The following NOP14 variants were observed in gnomAD, a reference collection of about 807,000 sequenced individuals.
NOP14 encodes the protein nucleolar protein 14.
In NOP14, 57 loss-of-function variants were observed where a neutral mutation model predicts 101.6. The observed-to-expected ratio is 0.56, with a 90% CI of 0.45 to 0.70. The LOEUF (loss-of-function observed/expected upper bound fraction) is 0.70, where lower values mean the gene tolerates loss of function less well. Among genes scored for constraint, NOP14 ranks in the 30% least tolerant of loss-of-function variants. The pLI is 0.00. For missense variants in NOP14, 1,134 were observed against 1,075.5 expected (o/e 1.05, Z -0.76); for synonymous variants, 428 against 424.0 (o/e 1.01, Z -0.12).
chr4:2,942,557 A>G (rs907319508), intron 13 of NOP14, among the ~76,000 whole-genome samples: 1 of 152,068 alleles, frequency 6.6e-6, no homozygotes, highest in African/African-American at 2.4e-5. Flanking sequence ...GCGCGGTGAG[A>G]GCCAAGTGCC....
At position 2,954,571 on chromosome 4, in the gene NOP14, C is replaced by A; in HGVS notation, c.473-8G>T. The A allele has an allele frequency of 6.2e-7, 1 of 1,613,158 alleles. No homozygotes were observed. ...GGGCAGCAGTCAGCTCAGCTGGGGG[C>A]AAAAGGCAGAAAACCCCACAGTGAA... On this transcript the variant is annotated splice_polypyrimidine_tract_variant and splice_region_variant and intron_variant, in intron 3 of 17. Coordinates refer to ENST00000416614, the MANE Select transcript of NOP14 (RefSeq NM_001291978.2).
intron 1 of NOP14, among the ~76,000 whole-genome samples, chr4:2,960,302 T>G (rs1715642680): frequency 6.6e-6 from 1 of 151,840 alleles, no homozygotes; most frequent in Non-Finnish European, 1.5e-5. Flanking sequence ...GGTCTGTCCC[T>G]GCAGAGGGAG....
intron 5 of NOP14, among the ~76,000 whole-genome samples, chr4:2,953,056 C>T (rs1036375848): frequency 1.3e-5 from 2 of 152,270 alleles, no homozygotes; most frequent in Non-Finnish European, 2.9e-5. Context: ...CCACATGACA[C>T]TAATCTGCTG....
chr4:2,963,321 G>A lies in NOP14; in HGVS notation c.-2C>T. Reference sequence around the variant, plus strand: ...CCCGACCTTCTTCGCCTTCGCCATGGCGCGCGCCCCGCTGCGCCCAAGGGC... The same window carrying A: ...CCCGACCTTCTTCGCCTTCGCCATGACGCGCGCCCCGCTGCGCCCAAGGGC... On this transcript the variant is annotated 5_prime_UTR_variant, in exon 1 of 18. Transcript: ENST00000416614. 1 of 1,571,922 alleles carries A rather than the reference G, an allele frequency of 6.4e-7. No homozygotes were observed.
chr4:2,950,483 C>G (rs887314755), intron 7 of NOP14: 13 of 517,196 alleles, frequency 2.5e-5, no homozygotes, highest in African/African-American at 2.3e-4. Context: ...CAGCATGGGA[C>G]TGGGATTTGG....
At chr4:2,950,976 C>T in intron 7 of NOP14, 138 bp downstream of exon 7, 1 of 743,942 alleles carries the variant, frequency 1.3e-6, no homozygotes, top group East Asian at 2.6e-5. Context: ...CCATAAACAC[C>T]CAGATAAAGA....
At chr4:2,954,700 C>G (rs1264006904) in intron 3 of NOP14, 137 bp from the exon 4 acceptor site, 20 of 1,064,870 alleles carry the variant, frequency 1.9e-5, no homozygotes, top group Non-Finnish European at 2.4e-5. Context: ...TCACACGCAA[C>G]AGCCTGGCCT....
intron 6 of NOP14, 102 bp downstream of exon 6, chr4:2,952,173 G>T: frequency 7.9e-6 from 9 of 1,136,100 alleles, no homozygotes; most frequent in African/African-American, 1.5e-5. Flanking sequence ...ATATTCCACT[G>T]ATCAAACAGA....
Position 2,950,097 on chromosome 4 carries a change from G to A in NOP14, c.1119C>T (p.Ser373=), listed in dbSNP as rs181539206. The change falls in exon 8 of 18, where the codon AGC becomes AGT. Residue 373 remains serine, a synonymous_variant. Transcript: ENST00000416614. Reference sequence around the variant, plus strand: ...GGTCCAAGTGGCTATCTGGGCTGTCGCTCTCCTCTGTGTCCTCCCCGCCTG... The same window carrying A: ...GGTCCAAGTGGCTATCTGGGCTGTCACTCTCCTCTGTGTCCTCCCCGCCTG... ...DSSGGEDTEE[S]DSPDSHLDLE... The A allele has an allele frequency of 1.7e-5, 28 of 1,613,990 alleles. No individual in the cohort carries two copies. Among genetic ancestry groups the A allele is most frequent in the South Asian group, 8.8e-5 (8 of 91,070 alleles).
intron 9 of NOP14, 85 bp from the exon 10 acceptor site, chr4:2,947,696 A>ATTCT: frequency 8.8e-7 from 1 of 1,132,826 alleles, no homozygotes; most frequent in Non-Finnish European, 1.3e-6. Flanking sequence ...GATCACGTAC[A>ATTCT]TTCTGGTGAC....
rs773461337 is a variant in NOP14, at chr4:2,956,718, C to T, written c.424G>A (p.Asp142Asn). Residue 142 changes from aspartate (D) to asparagine (N), a missense_variant, in exon 3 of 18, where the codon GAC becomes AAC. By Grantham distance (23) the Asp-to-Asn change is conservative. Coordinates refer to ENST00000416614, the MANE Select transcript of NOP14 (RefSeq NM_001291978.2). ...QSLADIEKHN[D>N]IVDSDSDAED... is the part of the protein sequence containing the mutation. ...GCATCGCTGTCACTGTCCACAATGT[C>T]ATTATGCTTCTCGATGTCTGCCAAA... The T allele has an allele frequency of 4.3e-6, 7 of 1,613,810 alleles. No homozygotes were observed. Among genetic ancestry groups the T allele is most frequent in the South Asian group, 1.1e-5 (1 of 90,970 alleles).
rs913778189 is a variant in NOP14, at chr4:2,956,392, C to T, written c.472+278G>A. 4.9e-4 allele frequency among the ~76,000 whole-genome samples: 75 copies of T among 152,126 alleles called. 1 individual carries two copies. The highest frequency in any genetic ancestry group is 1.5e-3 in the African/African-American group (64 of 41,480). ...TATTTCTCTGAGCTCATGGGTAGAA[C>T]GAGCTATTTTGAGGTTCAAATAAAA... On this transcript the variant is annotated intron_variant, in intron 3 of 17. Transcript: ENST00000416614.
At chr4:2,960,750 TATA>T (rs1715713872) in intron 1 of NOP14, among the ~76,000 whole-genome samples, 1 of 76,130 alleles carries the variant, frequency 1.3e-5, no homozygotes, top group African/African-American at 4.4e-5. Flanking sequence ...ATATTAATAT[TATA>T]ATCACATTAA....
intron 1 of NOP14, among the ~76,000 whole-genome samples, chr4:2,962,200 C>G (rs1013724761): frequency 6.6e-6 from 1 of 152,210 alleles, no homozygotes; most frequent in African/African-American, 2.4e-5. Context: ...ATCATCTCTA[C>G]TTTTGAAATG....
chr4:2,961,198 T>A lies in NOP14; in HGVS notation c.195+1927A>T, dbSNP rs1332843466. On this transcript the variant is annotated intron_variant, in intron 1 of 17. Coordinates refer to ENST00000416614, the MANE Select transcript of NOP14 (RefSeq NM_001291978.2). ...ACAATAATATATTAATATGCTAATA[T>A]TATAATAATATATTAATATATTAAT... Among the ~76,000 whole-genome samples, 154 of 34,858 alleles carry A rather than the reference T, an allele frequency of 4.4e-3. 4 individuals are homozygous for A. Among genetic ancestry groups the A allele is most frequent in the African/African-American group, 0.012 (144 of 11,676 alleles). 22.9% of individuals were successfully genotyped at this position (34,858 alleles called of 152,430 possible). A position where few individuals can be genotyped will look rare whatever the true frequency, so the allele number is the denominator to read the frequency against.
At chr4:2,942,115 C>G in intron 14 of NOP14, 77 bp downstream of exon 14, 1 of 1,468,122 alleles carries the variant, frequency 6.8e-7, no homozygotes, top group South Asian at 1.3e-5. Context: ...AACAGCACAT[C>G]AGAAAGCACG....
In NOP14 at chr4:2,938,287, A is replaced by G. The variant is rs1420422498; in HGVS notation, c.*544T>C. ...GGCTCACACCTATAATTGGGGGGCC[A>G]AGGCAGGTGGATTACCTGAGGTCGG... On this transcript the variant is annotated 3_prime_UTR_variant, in exon 18 of 18. Coordinates refer to ENST00000416614, the MANE Select transcript of NOP14 (RefSeq NM_001291978.2). The G allele has an allele frequency of 6.8e-6, 8 of 1,183,988 alleles. No individual in the cohort carries two copies. The highest frequency in any genetic ancestry group is 9.0e-6 in the Non-Finnish European group (8 of 893,430). The allele number at this position is 1,183,988 out of a possible 1,614,324, so 73.3% of individuals were successfully genotyped here.
Position 2,959,745 on chromosome 4 carries a change from G to A in NOP14, c.196-2005C>T, listed in dbSNP as rs1333015252. Among the ~76,000 whole-genome samples, 9 of 152,260 alleles carry A rather than the reference G, an allele frequency of 5.9e-5. No homozygotes were observed. The East Asian group carries it at 1.2e-3, about 20-fold the overall frequency. On this transcript the variant is annotated intron_variant, in intron 1 of 17. Coordinates refer to ENST00000416614, the MANE Select transcript of NOP14 (RefSeq NM_001291978.2). ...CTTCTGTTACGAGCCATTCCAGAGC[G>A]AGATCCTGCTGGATGCTGATAGTGA...
chr4:2,942,145 G>A (rs1188318290), intron 14 of NOP14, 47 bp downstream of exon 14: 2 of 1,570,530 alleles, frequency 1.3e-6, no homozygotes, highest in Non-Finnish European at 1.7e-6. Flanking sequence ...TCCTGCCTCT[G>A]GGGACGCTGT....
Sources: gnomAD v4.1 joint callset for allele counts (sites outside exome capture counted in the v4.1 genomes callset) on GRCh38, gnomAD v4.1.1 for gene constraint, MANE v1.5 for transcripts, NCBI Gene and HGNC (gene_info 2026-07-23, HGNC 2026-07-21) for gene names.